The following BCL10 variants were observed in gnomAD, a reference collection of about 807,000 sequenced individuals.
The protein encoded by BCL10 is B-cell lymphoma/leukemia 10.
A neutral mutation model predicts 19.2 loss-of-function variants in BCL10; 5 were observed. That is an observed-to-expected ratio of 0.26 (90% CI 0.14 to 0.55). BCL10 has a LOEUF of 0.55. BCL10 is among the 20% of genes least tolerant of loss of function. The pLI is 0.94. For synonymous variants in BCL10, 110 were observed against 98.8 expected, an observed-to-expected ratio of 1.11 and a Z score of -0.67; for missense variants, 201 against 271.9, an observed-to-expected ratio of 0.74 and a Z score of 1.83.
chr1:85,272,007 A>G (rs1029707100), intron 1 of BCL10, among the ~76,000 whole-genome samples: 9 of 152,190 alleles, frequency 5.9e-5, no homozygotes, highest in Admixed American at 4.6e-4. Flanking sequence ...CTGGGAATAC[A>G]TATCACAGGT....
At position 85,270,739 on chromosome 1, in the gene BCL10, G is replaced by A. The variant is rs1660349788; in HGVS notation, c.225C>T (p.Asn75=). 1 of 1,614,032 alleles carries A rather than the reference G, an allele frequency of 6.2e-7. No homozygotes were observed. Among genetic ancestry groups the A allele is most frequent in the Non-Finnish European group, 8.5e-7 (1 of 1,180,006 alleles). ...AGKLLDYLQE[N]PKGLDTLVES... Reference sequence around the variant, plus strand: ...CAACAAGGGTGTCCAGACCTTTTGGGTTTTCCTGTAAGTAGTCTAACAATT... The same window carrying A: ...CAACAAGGGTGTCCAGACCTTTTGGATTTTCCTGTAAGTAGTCTAACAATT... The change falls in exon 2 of 3, where the codon AAC becomes AAT. Residue 75 remains asparagine (N), a synonymous_variant. Coordinates refer to ENST00000648566, the MANE Select transcript of BCL10 (RefSeq NM_003921.5).
chr1:85,272,480 G>GATCCT (rs1453223129), intron 1 of BCL10, among the ~76,000 whole-genome samples: 1 of 148,794 alleles, frequency 6.7e-6, no homozygotes, highest in African/African-American at 2.5e-5. Context: ...GGCCTTAAGT[G>GATCCT]ATCCTCCCAC....
chr1:85,271,560 G>C (rs896793500), intron 1 of BCL10, among the ~76,000 whole-genome samples: 3 of 152,140 alleles, frequency 2.0e-5, no homozygotes, highest in African/African-American at 7.2e-5. Flanking sequence ...ACCTAGATTT[G>C]AGAAGTGCCT....
chr1:85,268,768 CAAAAA>C (rs57560275), intron 2 of BCL10, among the ~76,000 whole-genome samples: 1 of 67,086 alleles, frequency 1.5e-5, no homozygotes. Flanking sequence ...GACTCCGTCT[CAAAAA>C]AAAAAAAAAA....
intron 2 of BCL10, among the ~76,000 whole-genome samples, chr1:85,268,650 C>T (rs184014143): frequency 1.1e-4 from 16 of 151,870 alleles, no homozygotes; most frequent in Non-Finnish European, 1.2e-4. Context: ...TGCCTGCAAT[C>T]GCAGCTACTC....
Position 85,274,578 on chromosome 1 carries a change from T to A in BCL10, c.57+1718A>T, listed in dbSNP as rs906918566. ...ACAAAGGGTGGTAGCACACCATTCA[T>A]CAAGAAAGGCAATACAGCAGCAACA... On this transcript the variant is annotated intron_variant, in intron 1 of 2. Transcript: ENST00000648566. Among the ~76,000 whole-genome samples the A allele has an allele frequency of 3.3e-5, 5 of 152,212 alleles. 1 individual carries two copies. Among genetic ancestry groups the A allele is most frequent in the Middle Eastern group, 6.8e-3 (2 of 294 alleles).
Position 85,276,528 on chromosome 1 carries a change from G to A in BCL10, c.-176C>T. The A allele has an allele frequency of 3.0e-6, 2 of 664,158 alleles. No individual in the cohort carries two copies. Among genetic ancestry groups the A allele is most frequent in the Non-Finnish European group, 5.1e-6 (2 of 392,440 alleles). 41.1% of individuals were successfully genotyped at this position (664,158 alleles called of 1,614,324 possible). On this transcript the variant is annotated 5_prime_UTR_variant, in exon 1 of 3. Transcript: ENST00000648566. The stretch of plus-strand genomic sequence containing the variant: ...AGGGACTCGGGGGTCAAACCGTAGC[G>A]CTTCCGGCCCCGCCTCTGAGGTCGA...
At chr1:85,273,885 G>T (rs115916472) in intron 1 of BCL10, among the ~76,000 whole-genome samples, 175 of 152,186 alleles carry the variant, frequency 1.1e-3, no homozygotes, top group African/African-American at 4.1e-3. Context: ...CTATACTTGG[G>T]GGGAAAAAAA....
intron 1 of BCL10, among the ~76,000 whole-genome samples, chr1:85,276,093 A>G (rs1301715071): frequency 2.0e-5 from 3 of 152,232 alleles, no homozygotes; most frequent in Non-Finnish European, 4.4e-5. Context: ...TAGCGATGTA[A>G]AACCTGGATT....
intron 1 of BCL10, among the ~76,000 whole-genome samples, chr1:85,272,923 C>T (rs1660406237): frequency 6.6e-6 from 1 of 152,182 alleles, no homozygotes; most frequent in Non-Finnish European, 1.5e-5. Flanking sequence ...ACCTACCTCT[C>T]CAGCTTAATC....
At chr1:85,273,783 T>C (rs1261331980) in intron 1 of BCL10, among the ~76,000 whole-genome samples, 2 of 152,236 alleles carry the variant, frequency 1.3e-5, no homozygotes, top group Non-Finnish European at 2.9e-5. Context: ...AAGAGCCTGC[T>C]CACTGGCTTC....
chr1:85,267,002 T>G lies in BCL10; in HGVS notation c.*625A>C, dbSNP rs879177403. 5 of 187,562 alleles carry G rather than the reference T, an allele frequency of 2.7e-5. No homozygotes were observed. In the East Asian group the frequency reaches 3.4e-4, roughly 13 times the overall value. 11.6% of individuals were successfully genotyped at this position (187,562 alleles called of 1,614,324 possible). On this transcript the variant is annotated 3_prime_UTR_variant, in exon 3 of 3. Coordinates refer to ENST00000648566, the MANE Select transcript of BCL10 (RefSeq NM_003921.5). ...AATGATTAAGCCAAGAATGTGAAAA[T>G]CCTAACAAAGTAGTATAATTAGTAA...
chr1:85,266,168 T>A lies in BCL10; in HGVS notation c.*1459A>T, dbSNP rs577453672. The A allele has an allele frequency of 2.9e-4, 55 of 187,328 alleles. No homozygotes were observed. The highest frequency in any genetic ancestry group is 5.4e-4 in the Non-Finnish European group (48 of 88,818). The allele number at this position is 187,328 out of a possible 1,614,324, so 11.6% of individuals were successfully genotyped here. A position where few individuals can be genotyped will look rare whatever the true frequency, so the allele number is the denominator to read the frequency against. On this transcript the variant is annotated 3_prime_UTR_variant, in exon 3 of 3. Transcript: ENST00000648566. ...TCAATCTCACAACCTGAAGTAATGTTTTCTATAGATAATGGCACGTATTAA... is the reference window on the plus strand; with the variant it reads ...TCAATCTCACAACCTGAAGTAATGTATTCTATAGATAATGGCACGTATTAA...
chr1:85,274,170 TA>T (rs1660444538), intron 1 of BCL10, among the ~76,000 whole-genome samples: 1 of 152,212 alleles, frequency 6.6e-6, no homozygotes, highest in African/African-American at 2.4e-5. Context: ...TCCTTCATAG[TA>T]ATTGCAATAA....
Position 85,267,573 on chromosome 1 carries a change from CAT to C in BCL10, c.*52_*53del. Reference sequence around the variant, plus strand: ...TGATTACAGCCATTTTATAAAAAGTCATATTCTTTAAAACATTTTTTGTCATC... The same window carrying C: ...TGATTACAGCCATTTTATAAAAAGTCATTCTTTAAAACATTTTTTGTCATC... On this transcript the variant is annotated 3_prime_UTR_variant, in exon 3 of 3. Coordinates refer to ENST00000648566, the MANE Select transcript of BCL10 (RefSeq NM_003921.5). 7.1e-7 allele frequency: 1 copy of C among 1,405,486 alleles called. No individual in the cohort carries two copies. The highest frequency in any genetic ancestry group is 9.6e-7 in the Non-Finnish European group (1 of 1,036,942). The allele number at this position is 1,405,486 out of a possible 1,614,324, so 87.1% of individuals were successfully genotyped here. A position where few individuals can be genotyped will look rare whatever the true frequency, so the allele number is the denominator to read the frequency against.
rs116263779 is a variant in BCL10, at chr1:85,273,697, T to C, written c.57+2599A>G. Reference sequence around the variant, plus strand: ...TCATTTCTATTTCAAAAACTGCATCTGGAATTCTGCTCCATTCATCTCCAC... The same window carrying C: ...TCATTTCTATTTCAAAAACTGCATCCGGAATTCTGCTCCATTCATCTCCAC... On this transcript the variant is annotated intron_variant, in intron 1 of 2. Transcript: ENST00000648566. 7.1e-3 allele frequency among the ~76,000 whole-genome samples: 1,085 copies of C among 152,346 alleles called. 13 individuals are homozygous for C. The highest frequency in any genetic ancestry group is 0.024 in the African/African-American group (996 of 41,572).
chr1:85,267,206 A>C lies in BCL10; in HGVS notation c.*421T>G, dbSNP rs1465980450. ...TCAGTGACCGGTTTTATTACTGAAC[A>C]GGAACAGCTTAATGCTGAAAATTTG... is the stretch of plus-strand genomic sequence containing the variant. On this transcript the variant is annotated 3_prime_UTR_variant, in exon 3 of 3. Transcript: ENST00000648566. The C allele has an allele frequency of 4.8e-6, 1 of 207,422 alleles. No individual in the cohort carries two copies. The highest frequency in any genetic ancestry group is 2.3e-5 in the African/African-American group (1 of 43,800). The allele number at this position is 207,422 out of a possible 1,614,324, so 12.8% of individuals were successfully genotyped here.
intron 1 of BCL10, among the ~76,000 whole-genome samples, chr1:85,271,939 C>T (rs1021197995): frequency 7.2e-5 from 11 of 152,080 alleles, no homozygotes; most frequent in Non-Finnish European, 1.0e-4. Flanking sequence ...GTGCTGAGCA[C>T]TGAGTATACA....
rs1201026882 is a variant in BCL10, at chr1:85,267,497, C to A, written c.*130G>T. On this transcript the variant is annotated 3_prime_UTR_variant, in exon 3 of 3. Transcript: ENST00000648566. ...TTTTTAATTCTAAAAATCCTATTTA[C>A]AAAGTATGCTTACATTGCATTTTAA... is the stretch of plus-strand genomic sequence containing the variant. The A allele has an allele frequency of 8.4e-6, 6 of 717,986 alleles. No homozygotes were observed. The South Asian group carries it at 1.5e-4, about 18-fold the overall frequency. The allele number at this position is 717,986 out of a possible 1,614,324, so 44.5% of individuals were successfully genotyped here.
Sources: gnomAD v4.1 joint callset for allele counts (sites outside exome capture counted in the v4.1 genomes callset) on GRCh38, gnomAD v4.1.1 for gene constraint, MANE v1.5 for transcripts, NCBI Gene and HGNC (gene_info 2026-07-23, HGNC 2026-07-21) for gene names.